CTNNA3: variants seen among roughly 807,000 people sequenced by gnomAD.
CTNNA3 encodes the protein catenin alpha-3.
A neutral mutation model predicts 95.7 loss-of-function variants in CTNNA3; 76 were observed. The observed-to-expected ratio is 0.79, with a 90% confidence interval of 0.66 to 0.96. The LOEUF (loss-of-function observed/expected upper bound fraction) is 0.96. CTNNA3 is among the 40% of genes least tolerant of loss of function. CTNNA3 has a pLI of 0.00. For synonymous variants in CTNNA3, 431 were observed against 374.4 expected (o/e 1.15, Z -1.74); for missense variants, 1,191 against 1,089.8 (o/e 1.09, Z -1.31).
At chr10:66,649,033 A>C (rs1845804367) in intron 9 of CTNNA3, among the ~76,000 whole-genome samples, 1 of 152,182 alleles carries the variant, frequency 6.6e-6, no homozygotes, top group Non-Finnish European at 1.5e-5. Flanking sequence ...AAAAACACCC[A>C]CAAAGTAGAT....
At chr10:66,720,361 A>G (rs1016956781) in intron 9 of CTNNA3, among the ~76,000 whole-genome samples, 1 of 151,670 alleles carries the variant, frequency 6.6e-6, no homozygotes, top group Non-Finnish European at 1.5e-5. Flanking sequence ...GCAAAGCAAA[A>G]CTTCAACTTT....
intron 7 of CTNNA3, among the ~76,000 whole-genome samples, chr10:66,843,104 G>A (rs1843123294): frequency 2.6e-5 from 4 of 152,138 alleles, no homozygotes; most frequent in Admixed American, 2.0e-4. Flanking sequence ...TAAGCAAAAG[G>A]ACGTGGATGT....
intron 13 of CTNNA3, among the ~76,000 whole-genome samples, chr10:66,110,324 T>G (rs528416536): frequency 6.9e-6 from 1 of 145,842 alleles, no homozygotes; most frequent in East Asian, 2.0e-4. Context: ...ATCATGCCAC[T>G]GCACTGCAGC....
chr10:67,488,797 G>C (rs1271934058), intron 5 of CTNNA3, among the ~76,000 whole-genome samples: 1 of 151,792 alleles, frequency 6.6e-6, no homozygotes, highest in African/African-American at 2.4e-5. Context: ...AGCCTCCTGA[G>C]TAGCTGGGAC....
At chr10:66,218,148 C>T (rs901056695) in intron 13 of CTNNA3, among the ~76,000 whole-genome samples, 2 of 152,196 alleles carry the variant, frequency 1.3e-5, no homozygotes, top group Admixed American at 1.3e-4. Flanking sequence ...GTCCTACTCA[C>T]CCTGCAATGT....
chr10:67,040,006 T>C (rs1854294884), intron 7 of CTNNA3, among the ~76,000 whole-genome samples: 1 of 152,090 alleles, frequency 6.6e-6, no homozygotes, highest in Non-Finnish European at 1.5e-5. Context: ...TCCTGTCCTC[T>C]CCATGTGCTG....
At chr10:67,199,659 T>C (rs1341782606) in intron 6 of CTNNA3, among the ~76,000 whole-genome samples, 1 of 152,152 alleles carries the variant, frequency 6.6e-6, no homozygotes, top group Admixed American at 6.5e-5. Context: ...GTGAAGGTTT[T>C]TGTATTTTTA....
intron 7 of CTNNA3, among the ~76,000 whole-genome samples, chr10:67,122,808 A>G (rs1564906243): frequency 6.6e-6 from 1 of 152,158 alleles, no homozygotes; most frequent in African/African-American, 2.4e-5. Context: ...AATGTGAGTT[A>G]CAGGAGCATC....
intron 10 of CTNNA3, among the ~76,000 whole-genome samples, chr10:66,610,791 G>A (rs1299850280): frequency 1.3e-5 from 2 of 152,046 alleles, no homozygotes; most frequent in African/African-American, 4.8e-5. Context: ...TAGCCCCAAA[G>A]AAAGGAAATC....
intron 7 of CTNNA3, among the ~76,000 whole-genome samples, chr10:66,877,990 G>T (rs531072531): frequency 1.3e-5 from 2 of 152,224 alleles, no homozygotes; most frequent in Admixed American, 6.5e-5. Flanking sequence ...GAAATGATTT[G>T]TTTCTATGGT....
chr10:67,237,685 G>A (rs941566253), intron 5 of CTNNA3, among the ~76,000 whole-genome samples: 1 of 152,186 alleles, frequency 6.6e-6, no homozygotes, highest in African/African-American at 2.4e-5. Flanking sequence ...GTCACTGCAG[G>A]TGATATGACA....
chr10:66,881,901 A>G (rs1844865527), intron 7 of CTNNA3, among the ~76,000 whole-genome samples: 1 of 152,106 alleles, frequency 6.6e-6, no homozygotes, highest in Admixed American at 6.6e-5. Context: ...ACGATGACAA[A>G]CTTCAAACTG....
chr10:67,612,928 G>C (rs1843511306), intron 2 of CTNNA3, among the ~76,000 whole-genome samples: 2 of 152,158 alleles, frequency 1.3e-5, no homozygotes, highest in Admixed American at 1.3e-4. Flanking sequence ...TCTTCTGAGA[G>C]GTCTCACTGC....
chr10:67,391,114 T>C (rs1370375862), intron 5 of CTNNA3, among the ~76,000 whole-genome samples: 1 of 151,582 alleles, frequency 6.6e-6, no homozygotes, highest in Non-Finnish European at 1.5e-5. Flanking sequence ...GGAAGTCAAA[T>C]TGTCCCTGTT....
At chr10:67,178,630 G>A (rs1312260139) in intron 7 of CTNNA3, among the ~76,000 whole-genome samples, 1 of 151,878 alleles carries the variant, frequency 6.6e-6, no homozygotes, top group Non-Finnish European at 1.5e-5. Flanking sequence ...ATCTGAATTT[G>A]TACCTATAAA....
chr10:67,213,835 T>C (rs1278545908), intron 6 of CTNNA3, among the ~76,000 whole-genome samples: 1 of 151,794 alleles, frequency 6.6e-6, no homozygotes, highest in East Asian at 1.9e-4. Context: ...CTGTCAATTT[T>C]TGTTAATTTT....
chr10:66,588,429 C>A (rs1589457681), intron 10 of CTNNA3, among the ~76,000 whole-genome samples: 1 of 152,176 alleles, frequency 6.6e-6, no homozygotes, highest in Non-Finnish European at 1.5e-5. Context: ...GTGGGAGAGG[C>A]AGGCTAACAA....
chr10:66,622,804 C>A (rs1160089459), intron 9 of CTNNA3, among the ~76,000 whole-genome samples: 1 of 152,138 alleles, frequency 6.6e-6, no homozygotes. Flanking sequence ...AAATAAACAA[C>A]ATATGACTTT....
intron 7 of CTNNA3, among the ~76,000 whole-genome samples, chr10:66,911,898 T>C (rs1241713099): frequency 6.6e-6 from 1 of 152,148 alleles, no homozygotes; most frequent in Non-Finnish European, 1.5e-5. Context: ...GGCCTGAACA[T>C]ATAATGACAT....
Sources: allele counts gnomAD v4.1 joint callset (sites outside exome capture counted in the v4.1 genomes callset), GRCh38; gene constraint gnomAD v4.1.1; transcripts MANE v1.5; gene names NCBI Gene and HGNC (gene_info 2026-07-23, HGNC 2026-07-21).